The following TCF7L2 variants were observed in gnomAD, a reference collection of about 807,000 sequenced individuals.
TCF7L2 encodes transcription factor 7-like 2.
A neutral mutation model predicts 77.9 loss-of-function variants in TCF7L2; 23 were observed. The observed-to-expected ratio is 0.30, with a 90% confidence interval of 0.21 to 0.42. TCF7L2 has a LOEUF of 0.42. TCF7L2 is among the 10% of genes least tolerant of loss of function. The pLI, the probability that TCF7L2 is intolerant of heterozygous loss-of-function variation, is 1.00. For synonymous variants in TCF7L2, 413 were observed against 340.2 expected (o/e 1.21, Z -2.36); for missense variants, 654 against 793.1 (o/e 0.82, Z 2.11).
rs902971018 is a variant in TCF7L2, at chr10:113,167,415, G to A, written c.*1443G>A. On this transcript the variant is annotated 3_prime_UTR_variant, in exon 14 of 14. Transcript: ENST00000627217. ...TATAAAGCTGAAACCTGTTCATTCAGTGCCATTGTAGTTGACATGAAGCGA... is the reference window on the plus strand; with the variant it reads ...TATAAAGCTGAAACCTGTTCATTCAATGCCATTGTAGTTGACATGAAGCGA... 1 of 225,510 alleles carries A rather than the reference G, an allele frequency of 4.4e-6. No individual in the cohort carries two copies. The highest frequency in any genetic ancestry group is 2.2e-5 in the African/African-American group (1 of 44,878). The allele number at this position is 225,510 out of a possible 1,614,324, so 14.0% of individuals were successfully genotyped here.
At chr10:113,160,486 C>T (rs2072988378) in intron 12 of TCF7L2, 3 of 634,140 alleles carry the variant, frequency 4.7e-6, no homozygotes, top group Non-Finnish European at 7.4e-6. Flanking sequence ...CCTTTCATGT[C>T]CTTGGTGAGG....
At chr10:113,073,551 G>C (rs905315702) in intron 5 of TCF7L2, among the ~76,000 whole-genome samples, 1 of 150,994 alleles carries the variant, frequency 6.6e-6, no homozygotes, top group Admixed American at 6.6e-5. Context: ...AATTAGCTGG[G>C]GGTGGTGGTG....
chr10:113,023,289 A>G (rs1303854054), intron 4 of TCF7L2, among the ~76,000 whole-genome samples: 2 of 152,142 alleles, frequency 1.3e-5, no homozygotes, highest in Non-Finnish European at 2.9e-5. Context: ...CCTGCACCTG[A>G]GTAGGGACTG....
At chr10:113,078,172 C>G (rs2058930678) in intron 5 of TCF7L2, among the ~76,000 whole-genome samples, 1 of 151,566 alleles carries the variant, frequency 6.6e-6, no homozygotes, top group African/African-American at 2.4e-5. Flanking sequence ...CTTTAATTTT[C>G]CAAATGATCC....
chr10:112,979,205 A>G (rs562906512), intron 4 of TCF7L2, among the ~76,000 whole-genome samples: 1 of 152,274 alleles, frequency 6.6e-6, no homozygotes, highest in Non-Finnish European at 1.5e-5. Flanking sequence ...GAGCTTGGCA[A>G]TGGACCGCCA....
intron 4 of TCF7L2, among the ~76,000 whole-genome samples, chr10:112,986,491 G>C (rs1223578837): frequency 6.6e-6 from 1 of 152,118 alleles, no homozygotes; most frequent in Non-Finnish European, 1.5e-5. Context: ...TGAGTTCTCT[G>C]GGATCTGACT....
intron 3 of TCF7L2, among the ~76,000 whole-genome samples, chr10:112,962,297 C>A (rs773911652): frequency 7.2e-5 from 11 of 151,996 alleles, no homozygotes; most frequent in Non-Finnish European, 1.5e-4. Flanking sequence ...CCATTAAGAT[C>A]TGAATCAGGC....
At position 113,159,710 on chromosome 10, in the gene TCF7L2, CT is replaced by C. The variant is rs60224964; in HGVS notation, c.1319-897del. ...AAGTTGAATAAGAATGTGACTTTTA[CT>C]TTTTTTTTTTTAATTAAAGAAAGTT... On this transcript the variant is annotated intron_variant, in intron 12 of 13. Coordinates refer to ENST00000627217, the MANE Select transcript of TCF7L2 (RefSeq NM_001146274.2). Among the ~76,000 whole-genome samples the C allele has an allele frequency of 3.0e-3, 430 of 141,926 alleles. 2 individuals carry two copies. Among genetic ancestry groups the C allele is most frequent in the South Asian group, 7.6e-3 (34 of 4,454 alleles). 93.1% of individuals were successfully genotyped at this position (141,926 alleles called of 152,430 possible).
intron 3 of TCF7L2, among the ~76,000 whole-genome samples, chr10:112,961,602 G>A (rs940791894): frequency 3.9e-5 from 6 of 152,182 alleles, no homozygotes; most frequent in African/African-American, 1.4e-4. Context: ...AAAGAAAAGT[G>A]TGTTGGGAAA....
chr10:113,083,041 A>G (rs2059465795), intron 5 of TCF7L2, among the ~76,000 whole-genome samples: 2 of 151,876 alleles, frequency 1.3e-5, no homozygotes, highest in Non-Finnish European at 2.9e-5. Context: ...TTCTGTTTGG[A>G]GCCTTGTCTT....
intron 12 of TCF7L2, among the ~76,000 whole-genome samples, chr10:113,159,009 T>C (rs1250988905): frequency 1.3e-5 from 2 of 152,096 alleles, no homozygotes; most frequent in Non-Finnish European, 2.9e-5. Flanking sequence ...CAGTATTTCT[T>C]TAAAAGAGAC....
chr10:113,002,197 C>T (rs1477469035), intron 4 of TCF7L2, among the ~76,000 whole-genome samples: 2 of 152,164 alleles, frequency 1.3e-5, no homozygotes, highest in Admixed American at 1.3e-4. Context: ...AACCCTGATC[C>T]AGATGTTTTC....
At chr10:112,996,048 A>T (rs967257861) in intron 4 of TCF7L2, among the ~76,000 whole-genome samples, 1 of 152,198 alleles carries the variant, frequency 6.6e-6, no homozygotes, top group Admixed American at 6.5e-5. Context: ...TAAGGACTTT[A>T]CATTCATTAA....
intron 3 of TCF7L2, among the ~76,000 whole-genome samples, chr10:112,963,435 C>T (rs1265477132): frequency 6.6e-6 from 1 of 152,138 alleles, no homozygotes; most frequent in Non-Finnish European, 1.5e-5. Context: ...AGTAATAGCA[C>T]AGGAGTAGTA....
intron 4 of TCF7L2, among the ~76,000 whole-genome samples, chr10:112,971,383 G>A (rs1206510298): frequency 5.3e-5 from 8 of 151,956 alleles, no homozygotes; most frequent in Non-Finnish European, 1.2e-4. Flanking sequence ...CAGGCTGGAG[G>A]TTTTTCCTCC....
intron 5 of TCF7L2, among the ~76,000 whole-genome samples, chr10:113,139,918 T>G (rs1408447584): frequency 6.6e-6 from 1 of 152,132 alleles, no homozygotes; most frequent in African/African-American, 2.4e-5. Flanking sequence ...GGACCTTCCT[T>G]CTTTTCTTTT....
At chr10:113,001,312 A>T (rs1270321548) in intron 4 of TCF7L2, among the ~76,000 whole-genome samples, 1 of 152,196 alleles carries the variant, frequency 6.6e-6, no homozygotes, top group East Asian at 1.9e-4. Context: ...AGCCCTTAAA[A>T]ATTCTTTTAG....
intron 12 of TCF7L2, among the ~76,000 whole-genome samples, chr10:113,160,213 G>A (rs909527030): frequency 6.6e-6 from 1 of 151,804 alleles, no homozygotes; most frequent in South Asian, 2.1e-4. Flanking sequence ...GTGCCTCCTC[G>A]GGTCAGCGAC....
intron 5 of TCF7L2, among the ~76,000 whole-genome samples, chr10:113,079,501 T>C (rs925348807): frequency 2.6e-5 from 4 of 152,210 alleles, no homozygotes; most frequent in African/African-American, 9.7e-5. Context: ...TTTTTCTTTA[T>C]TGGCTGCACA....
Sources: gnomAD v4.1 joint callset for allele counts (sites outside exome capture counted in the v4.1 genomes callset) on GRCh38, gnomAD v4.1.1 for gene constraint, MANE v1.5 for transcripts, NCBI Gene and HGNC (gene_info 2026-07-23, HGNC 2026-07-21) for gene names.